The following MYRFL variants were observed in gnomAD, a reference collection of about 807,000 sequenced individuals.
MYRFL encodes the protein myelin regulatory factor like.
MYRFL carries 88 observed loss-of-function variants against 109.4 expected under a neutral mutation model. The ratio of observed to expected loss-of-function variants is 0.80; its 90% CI spans 0.68 to 0.96. The LOEUF is 0.96. Among genes scored for constraint, MYRFL ranks in the 40% least tolerant of loss-of-function variants. The probability of loss-of-function intolerance (pLI) is 0.00; values close to 1 mark genes in which losing one functional copy is unlikely to be tolerated. For synonymous variants in MYRFL, 324 were observed against 320.9 expected, an observed-to-expected ratio of 1.01 and a Z score of -0.10; for missense variants, 957 against 954.9, an observed-to-expected ratio of 1.00 and a Z score of -0.03.
intron 2 of MYRFL, among the ~76,000 whole-genome samples, chr12:69,858,710 T>G (rs1413088185): frequency 1.3e-5 from 2 of 151,950 alleles, no homozygotes; most frequent in Non-Finnish European, 2.9e-5. Flanking sequence ...GTTCTTCATA[T>G]TGGTAGTTTG....
In MYRFL at chr12:69,895,476, C is replaced by A. The variant is rs1953958851; in HGVS notation, c.1086C>A (p.Asp362Glu). 1.3e-6 allele frequency: 2 copies of A among 1,534,960 alleles called. No homozygotes were observed. ...GAAAAAAGGGAAAACCAAATCCAGA[C>A]CAGAGGTACTGATGTCACTGTGTGC... is the stretch of plus-strand genomic sequence containing the variant. Reference protein sequence around the residue: ...NMRKKGKPNPDQRYFMLVVGL... With the variant: ...NMRKKGKPNPEQRYFMLVVGL... Residue 362 changes from aspartate (D) to glutamate (E), a missense_variant, in exon 9 of 25, where the codon GAC (aspartate) becomes GAA (glutamate). Transcript: ENST00000552032.
chr12:69,898,792 C>T (rs998437899), intron 10 of MYRFL, among the ~76,000 whole-genome samples: 6 of 152,194 alleles, frequency 3.9e-5, no homozygotes, highest in Admixed American at 6.5e-5. Flanking sequence ...AAGGTTTCTC[C>T]ATTTGCTGCT....
intron 2 of MYRFL, among the ~76,000 whole-genome samples, chr12:69,861,527 T>G (rs557610265): frequency 3.6e-4 from 54 of 151,766 alleles, no homozygotes; most frequent in Admixed American, 3.0e-3. Flanking sequence ...CATGTGTGTT[T>G]TGGCTGCATA....
Position 69,855,023 on chromosome 12 carries a change from G to A in MYRFL, c.47-257G>A, listed in dbSNP as rs79452991. Among the ~76,000 whole-genome samples, 1,366 of 152,282 alleles carry A rather than the reference G, an allele frequency of 9.0e-3. 20 individuals carry two copies. Among genetic ancestry groups the A allele is most frequent in the African/African-American group, 0.031 (1,284 of 41,544 alleles). ...TTTGCTACCTTTTGGCAGGTCTAAA[G>A]AAAGTGTGAAACAAGATATTGAATT... On this transcript the variant is annotated intron_variant, in intron 1 of 24. Coordinates refer to ENST00000552032, the MANE Select transcript of MYRFL (RefSeq NM_182530.3).
chr12:69,889,121 TAGC>T (rs1172378735), intron 6 of MYRFL, among the ~76,000 whole-genome samples: 2 of 152,038 alleles, frequency 1.3e-5, no homozygotes, highest in Non-Finnish European at 2.9e-5. Flanking sequence ...TTCATTATAA[TAGC>T]AGCCATCCAA....
intron 1 of MYRFL, among the ~76,000 whole-genome samples, chr12:69,838,199 C>T (rs761349245): frequency 2.0e-5 from 3 of 152,138 alleles, no homozygotes; most frequent in Non-Finnish European, 4.4e-5. Flanking sequence ...TGAACTTGTG[C>T]CATGCAGTGT....
rs1008803150 is a variant in MYRFL at position 69,903,741 on chromosome 12, A to G, written c.1280A>G (p.Asn427Ser). ...SIVCHGRVGI[N>S]TDAPDEALVV... Reference sequence around the variant, plus strand: ...GTCTGTCACGGTCGAGTAGGAATCAACACAGATGCGCCGGACGAAGCCCTG... The same window carrying G: ...GTCTGTCACGGTCGAGTAGGAATCAGCACAGATGCGCCGGACGAAGCCCTG... Residue 427 changes from asparagine (N) to serine (S), a missense_variant, in exon 11 of 25, where the codon AAC becomes AGC. By Grantham distance (46) the Asn-to-Ser change is conservative. Coordinates refer to ENST00000552032, the MANE Select transcript of MYRFL (RefSeq NM_182530.3). 3 of 1,535,750 alleles carry G rather than the reference A, an allele frequency of 2.0e-6. No homozygotes were observed. The African/African-American group carries it at 4.1e-5, about 21-fold the overall frequency.
chr12:69,833,458 C>A (rs903549664), intron 1 of MYRFL, among the ~76,000 whole-genome samples: 7 of 152,166 alleles, frequency 4.6e-5, no homozygotes, highest in African/African-American at 1.7e-4. Flanking sequence ...TCGAAGACAG[C>A]AGCCTGTGAT....
In MYRFL at chr12:69,957,868, AAT is replaced by A. The variant is rs1461370332; in HGVS notation, c.2502_2503del (p.Ile834MetfsTer4). ...CTTCCAGTGCAAATTCACCCTTGGAAATATATGTTTCCATAGTAAAAGGGGAA... is the reference window on the plus strand; with the variant it reads ...CTTCCAGTGCAAATTCACCCTTGGAAATATGTTTCCATAGTAAAAGGGGAA... Reference protein sequence around the residue: ...IVFQCKFTLGNICFHSKRGTK... With the variant: ...IVFQCKFTLGXICFHSKRGTK... On this transcript the variant is annotated frameshift_variant, in exon 23 of 25. Coordinates refer to ENST00000552032, the MANE Select transcript of MYRFL (RefSeq NM_182530.3). LOFTEE classifies it high-confidence loss of function. The A allele has an allele frequency of 1.3e-6, 2 of 1,534,970 alleles. No individual in the cohort carries two copies. The highest frequency in any genetic ancestry group is 2.0e-5 in the Admixed American group (1 of 50,968).
intron 5 of MYRFL, among the ~76,000 whole-genome samples, chr12:69,883,158 T>G (rs1373474235): frequency 6.6e-6 from 1 of 152,328 alleles, no homozygotes; most frequent in East Asian, 1.9e-4. Flanking sequence ...AGAGGAAGAT[T>G]TGAATCTCAC....
chr12:69,945,415 A>T (rs959444762), intron 19 of MYRFL, among the ~76,000 whole-genome samples: 12 of 152,220 alleles, frequency 7.9e-5, no homozygotes, highest in Non-Finnish European at 1.6e-4. Context: ...ATTTAGATAC[A>T]CAAATACTTA....
chr12:69,862,243 G>T (rs1233214108), intron 2 of MYRFL, among the ~76,000 whole-genome samples: 1 of 149,060 alleles, frequency 6.7e-6, no homozygotes, highest in South Asian at 2.1e-4. Flanking sequence ...CTCTTTTTTG[G>T]TTCCATATGA....
At chr12:69,907,884 C>T (rs888076342) in intron 11 of MYRFL, among the ~76,000 whole-genome samples, 11 of 151,692 alleles carry the variant, frequency 7.3e-5, no homozygotes, top group South Asian at 2.1e-4. Context: ...TGAGTGAAGG[C>T]GCTCACAGTG....
At chr12:69,891,637 T>TCTCTTTCTTTC (rs1886856788) in intron 7 of MYRFL, among the ~76,000 whole-genome samples, 2 of 53,788 alleles carry the variant, frequency 3.7e-5, no homozygotes. Context: ...CTTCCTTTCT[T>TCTCTTTCTTTC]TTTCTTTCTT....
rs1190914149 is a variant in MYRFL at position 69,886,913 on chromosome 12, G to A, written c.650G>A (p.Trp217Ter). 2.0e-6 allele frequency: 3 copies of A among 1,535,898 alleles called. No homozygotes were observed. Among genetic ancestry groups the A allele is most frequent in the Admixed American group, 2.0e-5 (1 of 50,992 alleles). Residue 217 changes from tryptophan to a stop codon, truncating the protein, a stop_gained, in exon 6 of 25, where the codon TGG becomes TAG. Transcript: ENST00000552032. LOFTEE classifies it high-confidence loss of function. Reference sequence around the variant, plus strand: ...GACCAGTGCTCTCCTGCTCTGAAGTGGCAACCATGCCATAGTGTTCCTTGG... The same window carrying A: ...GACCAGTGCTCTCCTGCTCTGAAGTAGCAACCATGCCATAGTGTTCCTTGG... Reference protein sequence around the residue: ...PTDQCSPALKWQPCHSVPWHS... With the variant: ...PTDQCSPALK
chr12:69,875,792 A>G (rs1885627273), intron 2 of MYRFL, among the ~76,000 whole-genome samples: 1 of 152,122 alleles, frequency 6.6e-6, no homozygotes, highest in Non-Finnish European at 1.5e-5. Flanking sequence ...CCCCGCCCCC[A>G]CTACGTCCAT....
At chr12:69,881,750 C>T (rs1045230258) in intron 5 of MYRFL, among the ~76,000 whole-genome samples, 12 of 152,178 alleles carry the variant, frequency 7.9e-5, no homozygotes, top group African/African-American at 2.9e-4. Flanking sequence ...CAGTTGTTCA[C>T]CATTTTTTTT....
In MYRFL at chr12:69,889,688, T is replaced by C. The variant is rs561586207; in HGVS notation, c.708-1283T>C. The stretch of plus-strand genomic sequence containing the variant: ...GGCCAACATGGCGAAACCCCATCTT[T>C]ACTAAAAAAATACAAAAATTGGTTG... On this transcript the variant is annotated intron_variant, in intron 6 of 24. Coordinates refer to ENST00000552032, the MANE Select transcript of MYRFL (RefSeq NM_182530.3). Among the ~76,000 whole-genome samples, 15 of 152,114 alleles carry C rather than the reference T, an allele frequency of 9.9e-5. No individual in the cohort carries two copies. The South Asian group carries it at 2.7e-3, about 27-fold the overall frequency.
At chr12:69,889,023 G>A (rs17813810) in intron 6 of MYRFL, among the ~76,000 whole-genome samples, 22,380 of 152,106 alleles carry the variant, frequency 0.15, 2,151 homozygotes, top group Non-Finnish European at 0.22. Flanking sequence ...TTGGGAAGGT[G>A]CAAAGAACAT....
Sources: gnomAD v4.1 joint callset for allele counts (sites outside exome capture counted in the v4.1 genomes callset) on GRCh38, gnomAD v4.1.1 for gene constraint, MANE v1.5 for transcripts, NCBI Gene and HGNC (gene_info 2026-07-23, HGNC 2026-07-21) for gene names.